Variants in PRKAA2 observed in about 807,000 individuals in gnomAD.
PRKAA2 encodes protein kinase AMP-activated catalytic subunit alpha 2, also known as 5'-AMP-activated protein kinase catalytic subunit alpha-2.
PRKAA2 carries 40 observed loss-of-function variants against 56.3 expected under a neutral mutation model. The observed-to-expected ratio is 0.71, with a 90% CI of 0.55 to 0.92. PRKAA2 has a LOEUF of 0.92. Ranked by LOEUF, PRKAA2 falls within the 40% of genes least tolerant of loss-of-function variation. PRKAA2 has a pLI of 0.00. For synonymous variants in PRKAA2, 214 were observed against 234.2 expected (o/e 0.91, Z 0.79); for missense variants, 542 against 686.9 (o/e 0.79, Z 2.36).
intron 2 of PRKAA2, among the ~76,000 whole-genome samples, chr1:56,690,445 A>G (rs892456924): frequency 1.3e-4 from 20 of 152,220 alleles, no homozygotes; most frequent in Non-Finnish European, 2.1e-4. Context: ...CTGGGATTAC[A>G]GGCGTGAGCC....
At chr1:56,706,273 A>C in intron 8 of PRKAA2, 55 bp downstream of exon 8, 1 of 1,581,082 alleles carries the variant, frequency 6.3e-7, no homozygotes, top group East Asian at 2.2e-5. Context: ...GCACTAGTTG[A>C]CCAGATGTTA....
intron 5 of PRKAA2, among the ~76,000 whole-genome samples, chr1:56,694,675 G>A (rs556122323): frequency 6.6e-5 from 10 of 151,978 alleles, no homozygotes; most frequent in Admixed American, 2.0e-4. Flanking sequence ...CTCTGGGGTC[G>A]CTCTTATAAG....
rs1226731620 is a variant in PRKAA2, at chr1:56,713,572, C to CT, written c.*5865dup. On this transcript the variant is annotated 3_prime_UTR_variant, in exon 9 of 9. Transcript: ENST00000371244. ...TTTGGAGAATATCCTGGCATGAAAA[C>CT]TTTTTTGAATAATACGTAGAATTTT... 3 of 151,788 alleles carry CT rather than the reference C, an allele frequency of 2.0e-5. No homozygotes were observed. Among genetic ancestry groups the CT allele is most frequent in the Non-Finnish European group, 2.9e-5 (2 of 67,958 alleles). 9.4% of individuals were successfully genotyped at this position (151,788 alleles called of 1,614,324 possible). A position where few individuals can be genotyped will look rare whatever the true frequency, so the allele number is the denominator to read the frequency against.
chr1:56,714,413 C>CT lies in PRKAA2; in HGVS notation c.*6707dup, dbSNP rs894461551. 5.3e-5 allele frequency: 8 copies of CT among 152,056 alleles called. No homozygotes were observed. Among genetic ancestry groups the CT allele is most frequent in the Admixed American group, 2.6e-4 (4 of 15,268 alleles). The allele number at this position is 152,056 out of a possible 1,614,324, so 9.4% of individuals were successfully genotyped here. On this transcript the variant is annotated 3_prime_UTR_variant, in exon 9 of 9. Coordinates refer to ENST00000371244, the MANE Select transcript of PRKAA2 (RefSeq NM_006252.4). ...ATATCCCCACATTCAATGTAAATTC[C>CT]TTTTTTTAAAAAAAATAAGTATCTT...
intron 2 of PRKAA2, among the ~76,000 whole-genome samples, chr1:56,684,555 TG>T (rs1644178285): frequency 6.6e-6 from 1 of 151,564 alleles, no homozygotes; most frequent in Non-Finnish European, 1.5e-5. Context: ...ATCAGTGAGG[TG>T]GGAGGAAAAT....
intron 1 of PRKAA2, among the ~76,000 whole-genome samples, chr1:56,673,299 A>G (rs1644090788): frequency 1.3e-5 from 2 of 152,142 alleles, no homozygotes; most frequent in South Asian, 2.1e-4. Flanking sequence ...ACTTGAGCCC[A>G]GGAGGTTGAG....
Position 56,679,222 on chromosome 1 carries a change from G to T in PRKAA2, c.236+4700G>T, listed in dbSNP as rs1310178297. 2.0e-5 allele frequency among the ~76,000 whole-genome samples: 3 copies of T among 152,198 alleles called. No homozygotes were observed. In the East Asian group the frequency reaches 5.8e-4, roughly 29 times the overall value. On this transcript the variant is annotated intron_variant, in intron 2 of 8. Transcript: ENST00000371244. Reference sequence around the variant, plus strand: ...ACACTGAGCTAGTGTAATTTTCTTAGTGAACCCTCTTTTGATGATTTCATC... The same window carrying T: ...ACACTGAGCTAGTGTAATTTTCTTATTGAACCCTCTTTTGATGATTTCATC...
At chr1:56,647,717 GT>G (rs35387564) in intron 1 of PRKAA2, among the ~76,000 whole-genome samples, 55,364 of 147,428 alleles carry the variant, frequency 0.38, 10,337 homozygotes, top group Admixed American at 0.48. Context: ...AAAAAGTCAT[GT>G]TTTTTTTTTT....
At chr1:56,673,297 C>T (rs1350550188) in intron 1 of PRKAA2, among the ~76,000 whole-genome samples, 1 of 152,070 alleles carries the variant, frequency 6.6e-6, no homozygotes, top group East Asian at 1.9e-4. Flanking sequence ...TCACTTGAGC[C>T]CAGGAGGTTG....
intron 2 of PRKAA2, among the ~76,000 whole-genome samples, chr1:56,681,064 A>T (rs967176829): frequency 3.3e-5 from 5 of 152,142 alleles, no homozygotes; most frequent in Non-Finnish European, 5.9e-5. Flanking sequence ...CTGGTGTGAG[A>T]TGGTGTCTCA....
intron 1 of PRKAA2, among the ~76,000 whole-genome samples, chr1:56,663,657 G>A (rs568510290): frequency 5.3e-5 from 8 of 152,290 alleles, no homozygotes; most frequent in Non-Finnish European, 7.4e-5. Flanking sequence ...AACTTTTTAG[G>A]CAGAGTTGTG....
chr1:56,650,874 A>G (rs1646682048), intron 1 of PRKAA2, among the ~76,000 whole-genome samples: 1 of 152,250 alleles, frequency 6.6e-6, no homozygotes. Flanking sequence ...TTTTTGAGAT[A>G]ACAGGAAGGA....
chr1:56,698,373 C>A (rs1187590010), intron 6 of PRKAA2, among the ~76,000 whole-genome samples: 2 of 152,134 alleles, frequency 1.3e-5, no homozygotes, highest in African/African-American at 4.8e-5. Context: ...TTTTACAAAC[C>A]ATGAAACTGA....
intron 6 of PRKAA2, among the ~76,000 whole-genome samples, chr1:56,700,347 G>A (rs554624501): frequency 1.3e-5 from 2 of 152,238 alleles, no homozygotes; most frequent in East Asian, 1.9e-4. Flanking sequence ...TGCTCCAACA[G>A]GCAGTTGTAA....
intron 2 of PRKAA2, among the ~76,000 whole-genome samples, chr1:56,676,117 A>G (rs1355301098): frequency 2.0e-5 from 3 of 152,172 alleles, no homozygotes; most frequent in East Asian, 3.9e-4. Context: ...TGACAAGAGT[A>G]GCATATAAGT....
intron 1 of PRKAA2, among the ~76,000 whole-genome samples, chr1:56,653,526 C>T (rs1335854677): frequency 6.6e-6 from 1 of 152,032 alleles, no homozygotes; most frequent in Non-Finnish European, 1.5e-5. Flanking sequence ...TGGTCAAACT[C>T]AATCTGTAAA....
At position 56,714,518 on chromosome 1, in the gene PRKAA2, A is replaced by G. The variant is rs1417190435; in HGVS notation, c.*6805A>G. The G allele has an allele frequency of 2.6e-5, 4 of 152,156 alleles. No homozygotes were observed. The highest frequency in any genetic ancestry group is 1.9e-4 in the East Asian group (1 of 5,200). 9.4% of individuals were successfully genotyped at this position (152,156 alleles called of 1,614,324 possible). On this transcript the variant is annotated 3_prime_UTR_variant, in exon 9 of 9. Coordinates refer to ENST00000371244, the MANE Select transcript of PRKAA2 (RefSeq NM_006252.4). ...TTGTGGTGTTGTTAGGTGACATTTA[A>G]TATTTCTTGAGACCTCAAGTATTCA... is the stretch of plus-strand genomic sequence containing the variant.
At chr1:56,664,888 A>ACG (rs1644023303) in intron 1 of PRKAA2, among the ~76,000 whole-genome samples, 1 of 137,502 alleles carries the variant, frequency 7.3e-6, no homozygotes, top group Non-Finnish European at 1.5e-5. Flanking sequence ...ACACACACAC[A>ACG]CACATATATA....
intron 1 of PRKAA2, among the ~76,000 whole-genome samples, chr1:56,653,486 G>A (rs370700006): frequency 6.6e-6 from 1 of 152,144 alleles, no homozygotes; most frequent in African/African-American, 2.4e-5. Context: ...ACCTGGTGTG[G>A]AACCTTTGTT....
Sources: allele counts gnomAD v4.1 joint callset (sites outside exome capture counted in the v4.1 genomes callset), GRCh38; gene constraint gnomAD v4.1.1; transcripts MANE v1.5; gene names NCBI Gene and HGNC (gene_info 2026-07-23, HGNC 2026-07-21).